The following NUDT1 variants were observed in gnomAD, a reference collection of about 807,000 sequenced individuals.
The protein encoded by NUDT1 is nudix hydrolase 1.
In NUDT1, 16 loss-of-function variants were observed where a neutral mutation model predicts 11.3. The ratio of observed to expected loss-of-function variants is 1.41; its 90% CI spans 0.96 to 2.15. The LOEUF (loss-of-function observed/expected upper bound fraction) is 2.15. Among genes scored for constraint, NUDT1 ranks in the 30% most tolerant of loss-of-function variants. NUDT1 has a pLI of 0.00. For synonymous variants in NUDT1, 101 were observed against 84.4 expected (o/e 1.20, Z -1.08); for missense variants, 234 against 208.4 (o/e 1.12, Z -0.76).
At chr7:2,246,524 G>C (rs1794772113) in intron 2 of NUDT1, among the ~76,000 whole-genome samples, 1 of 152,228 alleles carries the variant, frequency 6.6e-6, no homozygotes, top group Non-Finnish European at 1.5e-5. Flanking sequence ...AGGCTGGATG[G>C]AGGAACTCCA....
At chr7:2,244,235 G>C (rs143673280) in intron 1 of NUDT1, among the ~76,000 whole-genome samples, 2 of 152,284 alleles carry the variant, frequency 1.3e-5, no homozygotes, top group Non-Finnish European at 2.9e-5. Flanking sequence ...CCTGGGGGTA[G>C]ACGCAGGAGC....
Position 2,249,978 on chromosome 7 carries a change from C to A in NUDT1, c.274C>A (p.Gln92Lys). 2 of 1,614,168 alleles carry A rather than the reference C, an allele frequency of 1.2e-6. No homozygotes were observed. Among genetic ancestry groups the A allele is most frequent in the Non-Finnish European group, 1.7e-6 (2 of 1,180,040 alleles). The change falls in exon 3 of 4, where the codon CAG becomes AAG. Residue 92 changes from glutamine to lysine, a missense_variant. Coordinates refer to ENST00000356714, the MANE Select transcript of NUDT1 (RefSeq NM_002452.4). ...DVHVFCTDSI[Q>K]GTPVESDEMR... ...GCATGTCTTCTGCACAGACAGCATC[C>A]AGGGGACCCCCGTGGAGAGCGACGG...
At chr7:2,243,722 G>C (rs1012608929) in intron 1 of NUDT1, among the ~76,000 whole-genome samples, 1 of 152,284 alleles carries the variant, frequency 6.6e-6, no homozygotes, top group East Asian at 1.9e-4. Context: ...ACAGTGAACC[G>C]CGATCACGCC....
intron 2 of NUDT1, among the ~76,000 whole-genome samples, chr7:2,247,159 C>T (rs1025417719): frequency 4.6e-5 from 7 of 152,182 alleles, no homozygotes; most frequent in Non-Finnish European, 1.0e-4. Flanking sequence ...AACCCCAGGC[C>T]CGTGCTGCTC....
chr7:2,250,906 C>T lies in NUDT1; in HGVS notation c.376C>T (p.Leu126Phe). The change falls in exon 4 of 4, where the codon CTC becomes TTC. Residue 126 changes from leucine (L) to phenylalanine (F), a missense_variant. Leu to Phe is a conservative substitution (Grantham distance 22, BLOSUM62 0). Coordinates refer to ENST00000356714, the MANE Select transcript of NUDT1 (RefSeq NM_002452.4). ...MWPDDSYWFPLLLQKKKFHGY... is the reference protein window; with the variant it reads ...MWPDDSYWFPFLLQKKKFHGY... ...GCCCGACGACAGCTACTGGTTTCCA[C>T]TCCTGCTTCAGAAGAAGAAATTCCA... The T allele has an allele frequency of 1.2e-6, 2 of 1,614,192 alleles. No homozygotes were observed. The highest frequency in any genetic ancestry group is 1.7e-6 in the Non-Finnish European group (2 of 1,180,014).
In NUDT1 at chr7:2,249,864, CAGG is replaced by C. The variant is rs748213003; in HGVS notation, c.166_168del (p.Glu56del). 4.1e-5 allele frequency: 66 copies of C among 1,613,544 alleles called. No individual in the cohort carries two copies. Among genetic ancestry groups the C allele is most frequent in the Admixed American group, 8.3e-5 (5 of 60,016 alleles). On this transcript the variant is annotated inframe_deletion, in exon 3 of 4. Transcript: ENST00000356714. ...GCCCACCTCTGCCCGCAGGGAGCTG[CAGG>C]AGGAGAGCGGTCTGACAGTGGACGC...
intron 2 of NUDT1, among the ~76,000 whole-genome samples, chr7:2,245,259 G>T (rs35285207): frequency 6.6e-6 from 1 of 152,138 alleles, no homozygotes; most frequent in African/African-American, 2.4e-5. Context: ...TCCTCCAGAC[G>T]CCCCTCAACC....
chr7:2,243,915 AC>A (rs1794661019), intron 1 of NUDT1, among the ~76,000 whole-genome samples: 2 of 152,280 alleles, frequency 1.3e-5, no homozygotes, highest in South Asian at 4.1e-4. Context: ...GACCCTTGTG[AC>A]TTCCAGTGGC....
rs542451422 is a variant in NUDT1, at chr7:2,248,219, C to T, written c.153-1638C>T. The T allele has an allele frequency of 5.3e-5, 8 of 152,312 alleles. No individual in the cohort carries two copies. The East Asian group carries it at 5.8e-4, about 11-fold the overall frequency. The allele number at this position is 152,312 out of a possible 1,614,324, so 9.4% of individuals were successfully genotyped here. On this transcript the variant is annotated intron_variant, in intron 2 of 3. Transcript: ENST00000356714. Reference sequence around the variant, plus strand: ...AAAACACACACACAGAAAAATTAGCCGGGCATGGTAAGAGGAGGAGACTGA... The same window carrying T: ...AAAACACACACACAGAAAAATTAGCTGGGCATGGTAAGAGGAGGAGACTGA...
At chr7:2,250,791 G>T in intron 3 of NUDT1, 38 bp from the exon 4 acceptor site, 1 of 1,613,330 alleles carries the variant, frequency 6.2e-7, no homozygotes, top group South Asian at 1.1e-5. Flanking sequence ...TGAAGTTTGG[G>T]TTGCACCTCA....
intron 2 of NUDT1, chr7:2,249,555 C>T (rs1421898792): frequency 4.8e-5 from 22 of 457,100 alleles, no homozygotes; most frequent in Non-Finnish European, 6.1e-5. Flanking sequence ...CCTGGGCTGT[C>T]ACTGGTACAC....
In NUDT1 at chr7:2,250,250, G is replaced by A. The variant is rs540718078; in HGVS notation, c.298+248G>A. Among the ~76,000 whole-genome samples, 23 of 152,244 alleles carry A rather than the reference G, an allele frequency of 1.5e-4. 1 individual carries two copies. In the South Asian group the frequency reaches 3.7e-3, roughly 25 times the overall value. ...ACGGTAATGAGGATGAAATATAAAC[G>A]ATCGTCAGGTTCCTCACGATCACTC... On this transcript the variant is annotated intron_variant, in intron 3 of 3. Coordinates refer to ENST00000356714, the MANE Select transcript of NUDT1 (RefSeq NM_002452.4).
Position 2,250,606 on chromosome 7 carries a change from C to T in NUDT1, c.299-223C>T, listed in dbSNP as rs35413098. On this transcript the variant is annotated intron_variant, in intron 3 of 3. Coordinates refer to ENST00000356714, the MANE Select transcript of NUDT1 (RefSeq NM_002452.4). The stretch of plus-strand genomic sequence containing the variant: ...CCAAGTAGCTGGGACTACAGGCGCC[C>T]GCCACCACGCCCGGCTAATTTTTTT... 2.9e-3 allele frequency among the ~76,000 whole-genome samples: 446 copies of T among 151,308 alleles called. 2 individuals are homozygous for T. The highest frequency in any genetic ancestry group is 5.1e-3 in the Admixed American group (77 of 15,080).
rs190390196 is a variant in NUDT1 at position 2,251,075 on chromosome 7, T to C, written c.*74T>C. Reference sequence around the variant, plus strand: ...CGCAAACCATCTTCACCTGGGGGCATTGAGTGGCGCAGAGCCGGGTTTCAT... The same window carrying C: ...CGCAAACCATCTTCACCTGGGGGCACTGAGTGGCGCAGAGCCGGGTTTCAT... On this transcript the variant is annotated 3_prime_UTR_variant, in exon 4 of 4. Coordinates refer to ENST00000356714, the MANE Select transcript of NUDT1 (RefSeq NM_002452.4). 1.4e-4 allele frequency: 209 copies of C among 1,481,530 alleles called. No individual in the cohort carries two copies. Among genetic ancestry groups the C allele is most frequent in the African/African-American group, 1.3e-3 (97 of 72,296 alleles). 91.8% of individuals were successfully genotyped at this position (1,481,530 alleles called of 1,614,324 possible). A position where few individuals can be genotyped will look rare whatever the true frequency, so the allele number is the denominator to read the frequency against.
intron 1 of NUDT1, chr7:2,243,146 C>A: frequency 1.6e-6 from 1 of 612,692 alleles, no homozygotes; most frequent in Non-Finnish European, 3.0e-6. Context: ...CCTGCTGGTG[C>A]CTGTTGGTGT....
rs562773197 is a variant in NUDT1 at position 2,242,972 on chromosome 7, G to A, written c.-13+716G>A. Reference sequence around the variant, plus strand: ...AGCAATCAGATCACACGGCGGCTTGGAGAGTGAGTGCAAGGTTTTATGAGT... The same window carrying A: ...AGCAATCAGATCACACGGCGGCTTGAAGAGTGAGTGCAAGGTTTTATGAGT... On this transcript the variant is annotated intron_variant, in intron 1 of 3. Transcript: ENST00000356714. 4.6e-4 allele frequency: 332 copies of A among 716,172 alleles called. 1 individual carries two copies. The highest frequency in any genetic ancestry group is 3.5e-3 in the South Asian group (239 of 67,548). 44.4% of individuals were successfully genotyped at this position (716,172 alleles called of 1,614,324 possible).
At position 2,243,237 on chromosome 7, in the gene NUDT1, G is replaced by C. The variant is rs570286508; in HGVS notation, c.-13+981G>C. Among the ~76,000 whole-genome samples, 26 of 152,288 alleles carry C rather than the reference G, an allele frequency of 1.7e-4. 1 individual carries two copies. In the South Asian group the frequency reaches 5.0e-3, roughly 29 times the overall value. On this transcript the variant is annotated intron_variant, in intron 1 of 3. Transcript: ENST00000356714. The stretch of plus-strand genomic sequence containing the variant: ...CCACTGGGGTTTTTTTATAGGCACA[G>C]GACGGGGACGTGGCGGGCTCGGGAA...
chr7:2,248,691 A>C (rs1169944239), intron 2 of NUDT1, among the ~76,000 whole-genome samples: 1 of 151,854 alleles, frequency 6.6e-6, no homozygotes, highest in African/African-American at 2.4e-5. Context: ...AGCTGGGACT[A>C]CAGGCGAGTG....
At chr7:2,249,747 C>A in intron 2 of NUDT1, 110 bp from the exon 3 acceptor site, 1 of 1,427,400 alleles carries the variant, frequency 7.0e-7, no homozygotes, top group Non-Finnish European at 9.6e-7. Context: ...CCCATCCACC[C>A]TGGTGGCTCC....
Sources: gnomAD v4.1 joint callset for allele counts (sites outside exome capture counted in the v4.1 genomes callset) on GRCh38, gnomAD v4.1.1 for gene constraint, MANE v1.5 for transcripts, NCBI Gene and HGNC (gene_info 2026-07-23, HGNC 2026-07-21) for gene names.